The following PIBF1 variants were observed in gnomAD, a reference collection of about 807,000 sequenced individuals.
The protein encoded by PIBF1 is progesterone-induced-blocking factor 1.
Under a neutral mutation model 112.5 loss-of-function variants are expected in PIBF1, and 90 were observed. The observed-to-expected ratio is 0.80, with a 90% CI of 0.67 to 0.95. PIBF1 has a LOEUF of 0.95. PIBF1 is among the 40% of genes least tolerant of loss of function. The pLI, the probability that PIBF1 is intolerant of heterozygous loss-of-function variation, is 0.00. For synonymous variants in PIBF1, 301 were observed against 288.6 expected (o/e 1.04, Z -0.44); for missense variants, 915 against 852.3 (o/e 1.07, Z -0.92).
At chr13:72,927,865 G>A (rs2041540126) in intron 13 of PIBF1, among the ~76,000 whole-genome samples, 1 of 147,962 alleles carries the variant, frequency 6.8e-6, no homozygotes, top group African/African-American at 2.5e-5. Context: ...TTCTGTGTAT[G>A]TGTGTTTGTA....
chr13:72,799,377 G>A (rs1160779734), intron 5 of PIBF1, among the ~76,000 whole-genome samples: 5 of 152,046 alleles, frequency 3.3e-5, no homozygotes, highest in Admixed American at 6.5e-5. Flanking sequence ...CTTAAGTCTT[G>A]CCATAGAACC....
chr13:72,913,248 T>A (rs1172910328), intron 12 of PIBF1, among the ~76,000 whole-genome samples: 3 of 152,104 alleles, frequency 2.0e-5, no homozygotes, highest in Non-Finnish European at 4.4e-5. Context: ...TCAAAACTCG[T>A]TGAATGGTAG....
chr13:72,889,045 CA>C lies in PIBF1; in HGVS notation c.1323-4729del, dbSNP rs563914633. ...TGAGACCCTGTATCTACAAAAAATA[CA>C]AAAAAAAAAGAAAAGAAGTCTGTAA... On this transcript the variant is annotated intron_variant, in intron 10 of 17. Coordinates refer to ENST00000326291, the MANE Select transcript of PIBF1 (RefSeq NM_006346.4). Among the ~76,000 whole-genome samples, 973 of 140,924 alleles carry C rather than the reference CA, an allele frequency of 6.9e-3. 10 individuals carry two copies. The highest frequency in any genetic ancestry group is 0.023 in the African/African-American group (894 of 38,586). The allele number at this position is 140,924 out of a possible 152,430, so 92.5% of individuals were successfully genotyped here.
At chr13:72,962,324 A>G (rs1041333309) in intron 14 of PIBF1, among the ~76,000 whole-genome samples, 19 of 152,208 alleles carry the variant, frequency 1.2e-4, no homozygotes, top group African/African-American at 4.3e-4. Context: ...AAAGAAAAAA[A>G]TACAGCCAGG....
At chr13:72,864,806 G>A (rs1010251204) in intron 10 of PIBF1, among the ~76,000 whole-genome samples, 2 of 152,166 alleles carry the variant, frequency 1.3e-5, no homozygotes, top group Non-Finnish European at 2.9e-5. Flanking sequence ...TGAAGTGTGA[G>A]TGTATTTCTC....
chr13:72,919,663 A>G (rs1456067765), intron 13 of PIBF1, among the ~76,000 whole-genome samples: 1 of 152,136 alleles, frequency 6.6e-6, no homozygotes, highest in Non-Finnish European at 1.5e-5. Context: ...CTTCAAAAGA[A>G]TCTTTGTTAC....
chr13:72,975,365 A>G (rs919689235), intron 16 of PIBF1, among the ~76,000 whole-genome samples: 4 of 152,166 alleles, frequency 2.6e-5, no homozygotes, highest in African/African-American at 7.2e-5. Context: ...AGAAAACAAA[A>G]CATTTAAAAC....
chr13:72,876,549 G>A (rs772790811), intron 10 of PIBF1, among the ~76,000 whole-genome samples: 16 of 152,130 alleles, frequency 1.1e-4, no homozygotes, highest in East Asian at 7.7e-4. Flanking sequence ...ACAATATTGC[G>A]TCTTCTTACC....
intron 15 of PIBF1, among the ~76,000 whole-genome samples, chr13:72,966,978 C>CA (rs1252834891): frequency 2.6e-5 from 4 of 151,666 alleles, no homozygotes; most frequent in African/African-American, 9.7e-5. Flanking sequence ...CACTGTCACC[C>CA]AGGCTGGAGT....
intron 17 of PIBF1, among the ~76,000 whole-genome samples, chr13:73,008,124 C>G (rs756391437): frequency 3.3e-5 from 5 of 152,166 alleles, no homozygotes; most frequent in African/African-American, 4.8e-5. Context: ...CTGACATACT[C>G]TATGCTAATG....
chr13:72,867,637 A>G (rs1428357537), intron 10 of PIBF1, among the ~76,000 whole-genome samples: 1 of 152,168 alleles, frequency 6.6e-6, no homozygotes, highest in East Asian at 1.9e-4. Context: ...CTTACTGTAT[A>G]TTCTAATTGT....
At chr13:72,819,985 A>G (rs1293750422) in intron 5 of PIBF1, among the ~76,000 whole-genome samples, 2 of 151,884 alleles carry the variant, frequency 1.3e-5, no homozygotes, top group Non-Finnish European at 2.9e-5. Context: ...CCTTGTATTT[A>G]TGTTCCTCCA....
In PIBF1 at chr13:72,809,201, G is replaced by A. The variant is rs373938217; in HGVS notation, c.672+11175G>A. 1.9e-4 allele frequency among the ~76,000 whole-genome samples: 26 copies of A among 135,870 alleles called. No individual in the cohort carries two copies. The Middle Eastern group carries it at 0.014, about 72-fold the overall frequency. The allele number at this position is 135,870 out of a possible 152,430, so 89.1% of individuals were successfully genotyped here. A position where few individuals can be genotyped will look rare whatever the true frequency, so the allele number is the denominator to read the frequency against. On this transcript the variant is annotated intron_variant, in intron 5 of 17. Transcript: ENST00000326291. Reference sequence around the variant, plus strand: ...ATTTGGAAAATGTGATTATTTTTGAGCTAGAGACCCAAAGCTTTACATTTA... The same window carrying A: ...ATTTGGAAAATGTGATTATTTTTGAACTAGAGACCCAAAGCTTTACATTTA...
At chr13:72,990,525 T>A (rs2043443372) in intron 16 of PIBF1, among the ~76,000 whole-genome samples, 1 of 86,692 alleles carries the variant, frequency 1.2e-5, no homozygotes, top group African/African-American at 5.5e-5. Context: ...CATCTCTCCA[T>A]CTCAAAAAAA....
chr13:72,887,985 A>G (rs771169703), intron 10 of PIBF1, among the ~76,000 whole-genome samples: 2 of 152,142 alleles, frequency 1.3e-5, no homozygotes, highest in Non-Finnish European at 2.9e-5. Context: ...CCGTGTTGGT[A>G]TTGCTCAATT....
intron 13 of PIBF1, among the ~76,000 whole-genome samples, chr13:72,924,914 G>A (rs1057340423): frequency 6.6e-5 from 10 of 152,128 alleles, no homozygotes; most frequent in South Asian, 4.1e-4. Context: ...ATAGAGATCT[G>A]TGAAGGCTGG....
chr13:72,828,851 A>C (rs1356855633), intron 8 of PIBF1, among the ~76,000 whole-genome samples: 1 of 152,202 alleles, frequency 6.6e-6, no homozygotes, highest in Non-Finnish European at 1.5e-5. Flanking sequence ...TCCTTGAGGA[A>C]TTGCCACACT....
chr13:72,989,894 A>T (rs1180540475), intron 16 of PIBF1, among the ~76,000 whole-genome samples: 1 of 152,116 alleles, frequency 6.6e-6, no homozygotes, highest in Non-Finnish European at 1.5e-5. Context: ...TGTGTCATTG[A>T]AAATTTCCGT....
intron 17 of PIBF1, among the ~76,000 whole-genome samples, chr13:73,007,845 C>T (rs1594361360): frequency 6.6e-6 from 1 of 151,788 alleles, no homozygotes; most frequent in African/African-American, 2.4e-5. Context: ...CCATTCTTAG[C>T]ATGCACCCCA....
Sources: gnomAD v4.1 joint callset for allele counts (sites outside exome capture counted in the v4.1 genomes callset) on GRCh38, gnomAD v4.1.1 for gene constraint, MANE v1.5 for transcripts, NCBI Gene and HGNC (gene_info 2026-07-23, HGNC 2026-07-21) for gene names.